MAN1C1: variants seen among roughly 807,000 people sequenced by gnomAD.
MAN1C1 encodes the protein mannosidase alpha class 1C member 1.
In MAN1C1, 49 loss-of-function variants were observed where a neutral mutation model predicts 71.5. The observed-to-expected ratio is 0.69, with a 90% CI of 0.54 to 0.87. The LOEUF (loss-of-function observed/expected upper bound fraction) is 0.87, where lower values mean the gene tolerates loss of function less well. MAN1C1 is among the 40% of genes least tolerant of loss of function. MAN1C1 has a pLI of 0.00. For synonymous variants in MAN1C1, 352 were observed against 343.7 expected (o/e 1.02, Z -0.27); for missense variants, 743 against 835.0 (o/e 0.89, Z 1.36).
intron 1 of MAN1C1, among the ~76,000 whole-genome samples, chr1:25,628,319 A>G (rs2045328898): frequency 6.7e-6 from 1 of 149,950 alleles, no homozygotes; most frequent in Admixed American, 6.6e-5. Context: ...TTTTATTTTT[A>G]TTTTTGAGAA....
At chr1:25,624,325 T>G (rs1422936237) in intron 1 of MAN1C1, among the ~76,000 whole-genome samples, 2 of 152,202 alleles carry the variant, frequency 1.3e-5, no homozygotes, top group East Asian at 3.9e-4. Context: ...TCAGACCTGC[T>G]TTGGTGTCTC....
Position 25,782,384 on chromosome 1 carries a change from C to A in MAN1C1, c.1651-201C>A, listed in dbSNP as rs1355622115. ...AGGTGTGGGTGGAAGGAGTGTGGCC[C>A]CTCCAGCCTGGGGACAGGTGGCTAA... On this transcript the variant is annotated intron_variant, in intron 10 of 11. Coordinates refer to ENST00000374332, the MANE Select transcript of MAN1C1 (RefSeq NM_020379.4). The surrounding 1 kb of genome is among the most constrained non-coding windows in gnomAD (Gnocchi z 4.4). Among the ~76,000 whole-genome samples the A allele has an allele frequency of 1.3e-5, 2 of 152,148 alleles. No homozygotes were observed. Among genetic ancestry groups the A allele is most frequent in the Non-Finnish European group, 2.9e-5 (2 of 68,020 alleles).
chr1:25,668,405 A>G (rs1412767835), intron 1 of MAN1C1, among the ~76,000 whole-genome samples: 5 of 152,118 alleles, frequency 3.3e-5, no homozygotes, highest in African/African-American at 1.2e-4. Flanking sequence ...TTACTCCCAT[A>G]TGTACTAGAA....
At chr1:25,682,296 G>A (rs539794427) in intron 1 of MAN1C1, among the ~76,000 whole-genome samples, 22 of 152,328 alleles carry the variant, frequency 1.4e-4, no homozygotes, top group African/African-American at 4.1e-4. Context: ...ATAAGATCTT[G>A]TTCCAGAAAG....
intron 1 of MAN1C1, among the ~76,000 whole-genome samples, chr1:25,661,882 C>G (rs1042133002): frequency 2.6e-5 from 4 of 152,170 alleles, no homozygotes; most frequent in African/African-American, 9.7e-5. Flanking sequence ...CAAGTCCTAC[C>G]CCACATCAGG....
chr1:25,638,644 T>C (rs1375395311), intron 1 of MAN1C1, among the ~76,000 whole-genome samples: 2 of 152,072 alleles, frequency 1.3e-5, no homozygotes, highest in Non-Finnish European at 2.9e-5. Context: ...TTCAAAAGGG[T>C]ATTTTTGCTG....
In MAN1C1 at chr1:25,725,344, C is replaced by T. The variant is rs1246762852; in HGVS notation, c.638-21324C>T. Among the ~76,000 whole-genome samples, 2 of 152,150 alleles carry T rather than the reference C, an allele frequency of 1.3e-5. No individual in the cohort carries two copies. Among genetic ancestry groups the T allele is most frequent in the African/African-American group, 2.4e-5 (1 of 41,422 alleles). ...GGTGCACTGGCCACGTCCCTTGCCTCGAAAGAGTTCTCTTCTTAGAGGAGG... is the reference window on the plus strand; with the variant it reads ...GGTGCACTGGCCACGTCCCTTGCCTTGAAAGAGTTCTCTTCTTAGAGGAGG... On this transcript the variant is annotated intron_variant, in intron 2 of 11. Coordinates refer to ENST00000374332, the MANE Select transcript of MAN1C1 (RefSeq NM_020379.4). The surrounding 1 kb of genome is among the most constrained non-coding windows in gnomAD (Gnocchi z 4.8).
chr1:25,758,949 A>G, intron 6 of MAN1C1: 1 of 499,350 alleles, frequency 2.0e-6, no homozygotes, highest in Non-Finnish European at 3.6e-6. Flanking sequence ...GAGAGACAAG[A>G]TTCTGCCGGG....
chr1:25,663,702 T>G (rs2045882678), intron 1 of MAN1C1, among the ~76,000 whole-genome samples: 1 of 152,062 alleles, frequency 6.6e-6, no homozygotes, highest in Admixed American at 6.6e-5. Flanking sequence ...TAAAAAAGTG[T>G]CTGGGTTTGC....
rs778066641 is a variant in MAN1C1, at chr1:25,618,025, C to A, written c.228C>A (p.Arg76=). The part of the protein sequence containing the change: ...VAEIAGHAPA[R]EQEPPPNPAP... The stretch of plus-strand genomic sequence containing the variant: ...AAATCGCCGGCCATGCCCCGGCCCG[C>A]GAGCAGGAGCCGCCTCCCAACCCGG... The change falls in exon 1 of 12, where the codon CGC becomes CGA. Residue 76 remains arginine (R), a synonymous_variant. Transcript: ENST00000374332. The A allele has an allele frequency of 4.4e-6, 7 of 1,595,468 alleles. No homozygotes were observed. The African/African-American group carries it at 6.9e-5, about 16-fold the overall frequency.
At chr1:25,708,850 C>T (rs2046563860) in intron 2 of MAN1C1, among the ~76,000 whole-genome samples, 1 of 152,024 alleles carries the variant, frequency 6.6e-6, no homozygotes, top group Non-Finnish European at 1.5e-5. Context: ...CACCACTGCA[C>T]TCCAGCCTGG....
chr1:25,733,806 T>A (rs1336110443), intron 2 of MAN1C1, among the ~76,000 whole-genome samples: 1 of 151,436 alleles, frequency 6.6e-6, no homozygotes, highest in African/African-American at 2.4e-5. Context: ...ATTTTTATTT[T>A]TATTTTTTTT....
intron 2 of MAN1C1, among the ~76,000 whole-genome samples, chr1:25,715,153 G>A (rs1310221411): frequency 6.6e-6 from 1 of 152,170 alleles, no homozygotes; most frequent in Non-Finnish European, 1.5e-5. Flanking sequence ...CCTGTGTCTG[G>A]TGCAGAAGAG....
Position 25,768,361 on chromosome 1 carries a change from C to T in MAN1C1, c.1142-3296C>T, listed in dbSNP as rs1324487696. On this transcript the variant is annotated intron_variant, in intron 7 of 11. Coordinates refer to ENST00000374332, the MANE Select transcript of MAN1C1 (RefSeq NM_020379.4). ...TCACACACACCACACACACACATTA[C>T]ATACACTCCCCCCACACACACTCCC... Among the ~76,000 whole-genome samples, 7 of 133,962 alleles carry T rather than the reference C, an allele frequency of 5.2e-5. 1 individual carries two copies. Among genetic ancestry groups the T allele is most frequent in the African/African-American group, 1.4e-4 (5 of 35,206 alleles). The allele number at this position is 133,962 out of a possible 152,430, so 87.9% of individuals were successfully genotyped here. A position where few individuals can be genotyped will look rare whatever the true frequency, so the allele number is the denominator to read the frequency against.
chr1:25,628,556 C>T (rs1446003443), intron 1 of MAN1C1, among the ~76,000 whole-genome samples: 1 of 152,136 alleles, frequency 6.6e-6, no homozygotes, highest in African/African-American at 2.4e-5. Context: ...GATCCATCTG[C>T]CCCTGCCTCC....
intron 2 of MAN1C1, among the ~76,000 whole-genome samples, chr1:25,700,315 G>A (rs996387059): frequency 2.0e-5 from 3 of 152,320 alleles, no homozygotes; most frequent in African/African-American, 7.2e-5. Context: ...CTTCTAGCAC[G>A]CAGGGCATGG....
intron 1 of MAN1C1, chr1:25,644,402 G>T (rs2045581047): frequency 6.7e-6 from 1 of 149,592 alleles, no homozygotes; most frequent in Non-Finnish European, 1.5e-5. Context: ...TGCTAGGCGT[G>T]ATAAAAATGA....
At chr1:25,781,693 T>A (rs2047697076) in intron 10 of MAN1C1, among the ~76,000 whole-genome samples, 1 of 151,818 alleles carries the variant, frequency 6.6e-6, no homozygotes, top group Non-Finnish European at 1.5e-5. Flanking sequence ...TCTGCCCCTA[T>A]CTCCCCCACC....
intron 1 of MAN1C1, among the ~76,000 whole-genome samples, chr1:25,627,336 C>T (rs1057447627): frequency 5.3e-5 from 8 of 152,198 alleles, no homozygotes; most frequent in Non-Finnish European, 1.0e-4. Flanking sequence ...GGCTGGAGTG[C>T]GGTGGTGTGA....
Sources: gnomAD v4.1 joint callset for allele counts (sites outside exome capture counted in the v4.1 genomes callset) on GRCh38, gnomAD v4.1.1 for gene constraint, Gnocchi (gnomAD v3.1) non-coding constraint, MANE v1.5 for transcripts, NCBI Gene and HGNC (gene_info 2026-07-23, HGNC 2026-07-21) for gene names.